ANO6: variants seen among roughly 807,000 people sequenced by gnomAD.
ANO6 encodes the protein anoctamin-6.
A neutral mutation model predicts 117.5 loss-of-function variants in ANO6; 106 were observed. The ratio of observed to expected loss-of-function variants is 0.90; its 90% CI spans 0.77 to 1.06. The LOEUF (loss-of-function observed/expected upper bound fraction) is 1.06, where lower values mean the gene tolerates loss of function less well. ANO6 is among the 50% of genes least tolerant of loss of function. ANO6 has a pLI of 0.00. For missense variants in ANO6, 955 were observed against 1,121.1 expected (o/e 0.85, Z 2.12); for synonymous variants, 367 against 385.1 (o/e 0.95, Z 0.55).
chr12:45,278,763 T>C (rs781750745), intron 1 of ANO6, among the ~76,000 whole-genome samples: 1 of 152,208 alleles, frequency 6.6e-6, no homozygotes, highest in Non-Finnish European at 1.5e-5. Flanking sequence ...GGAAGTCTTG[T>C]CCCTTCTAAT....
chr12:45,265,294 A>T (rs1044397038), intron 1 of ANO6, among the ~76,000 whole-genome samples: 5 of 152,172 alleles, frequency 3.3e-5, no homozygotes, highest in African/African-American at 1.2e-4. Flanking sequence ...GTTATGGAGA[A>T]CTAAGGAATA....
At chr12:45,291,358 A>C (rs201350465) in intron 1 of ANO6, among the ~76,000 whole-genome samples, 5 of 149,574 alleles carry the variant, frequency 3.3e-5, no homozygotes, top group South Asian at 2.1e-4. Context: ...AAAAAAAAAA[A>C]AAAAAAAAAA....
At chr12:45,351,772 A>C (rs1941286805) in intron 7 of ANO6, among the ~76,000 whole-genome samples, 1 of 152,196 alleles carries the variant, frequency 6.6e-6, no homozygotes, top group African/African-American at 2.4e-5. Flanking sequence ...AGAGCAAGAC[A>C]TGAAGTTAGA....
At chr12:45,375,642 G>A (rs1328983739) in intron 9 of ANO6, among the ~76,000 whole-genome samples, 1 of 152,012 alleles carries the variant, frequency 6.6e-6, no homozygotes, top group African/African-American at 2.4e-5. Context: ...TGGGAAAACT[G>A]GCTAGCCATA....
At chr12:45,436,134 A>G (rs73283352), downstream of ANO6, among the ~76,000 whole-genome samples, 2,009 of 152,236 alleles carry the variant, frequency 0.013, 36 homozygotes, top group African/African-American at 0.046. Flanking sequence ...AGCTTCCCTA[A>G]TTCCAGTTCC....
chr12:45,331,138 A>G (rs1284986099), intron 2 of ANO6, among the ~76,000 whole-genome samples, 157 bp from the exon 3 acceptor site: 2 of 151,966 alleles, frequency 1.3e-5, no homozygotes, highest in East Asian at 3.9e-4. Flanking sequence ...CATGTTTGCC[A>G]TGTCAGTCAT....
At chr12:45,402,790 C>T (rs1942826634) in intron 13 of ANO6, among the ~76,000 whole-genome samples, 1 of 152,150 alleles carries the variant, frequency 6.6e-6, no homozygotes, top group South Asian at 2.1e-4. Context: ...TATTTGATAA[C>T]ACTGGACTTG....
intron 2 of ANO6, among the ~76,000 whole-genome samples, chr12:45,327,839 A>G (rs1940523243): frequency 6.6e-6 from 1 of 151,506 alleles, no homozygotes; most frequent in Non-Finnish European, 1.5e-5. Flanking sequence ...ATTTTATCAG[A>G]AAAAAAAATT....
Position 45,388,281 on chromosome 12 carries a change from T to C in ANO6, c.1286T>C (p.Val429Ala), listed in dbSNP as rs1032927629. ...GAATACGAAGCACGATGTACTCACG[T>C]AGTGATAAATGAGATTACTCAGGTA... The part of the protein sequence containing the change: ...RPEYEARCTH[V>A]VINEITQEEE... The change falls in exon 11 of 20, where the codon GTA becomes GCA. Residue 429 changes from valine to alanine, a missense_variant. Val to Ala is a moderately conservative substitution (Grantham distance 64). Transcript: ENST00000320560. 3 of 1,614,058 alleles carry C rather than the reference T, an allele frequency of 1.9e-6. No homozygotes were observed. The highest frequency in any genetic ancestry group is 4.5e-5 in the East Asian group (2 of 44,872).
chr12:45,370,190 T>C (rs1250997347), intron 9 of ANO6, among the ~76,000 whole-genome samples: 2 of 152,234 alleles, frequency 1.3e-5, no homozygotes, highest in South Asian at 2.1e-4. Flanking sequence ...GCTTCCTTTT[T>C]CCCTTACTTC....
At chr12:45,245,932 T>C (rs1300336839) in intron 1 of ANO6, among the ~76,000 whole-genome samples, 3 of 149,720 alleles carry the variant, frequency 2.0e-5, no homozygotes, top group South Asian at 2.1e-4. Flanking sequence ...ACATGTTAGA[T>C]TGACATTTTA....
intron 1 of ANO6, among the ~76,000 whole-genome samples, chr12:45,242,844 C>G (rs562162391): frequency 1.2e-4 from 19 of 152,068 alleles, no homozygotes; most frequent in Non-Finnish European, 2.5e-4. Context: ...TTTCACATAC[C>G]TTTGGGTAAA....
chr12:45,272,441 C>T (rs1938424241), intron 1 of ANO6, among the ~76,000 whole-genome samples: 1 of 152,172 alleles, frequency 6.6e-6, no homozygotes, highest in Non-Finnish European at 1.5e-5. Context: ...CAGATTTTTA[C>T]ATTTACCTGT....
intron 9 of ANO6, among the ~76,000 whole-genome samples, chr12:45,375,806 A>T (rs1448394471): frequency 6.6e-6 from 1 of 150,520 alleles, no homozygotes; most frequent in Admixed American, 6.6e-5. Flanking sequence ...CAAGGACTTC[A>T]TGTCTAAAAC....
Position 45,429,661 on chromosome 12 carries a change from C to G in ANO6, c.*350C>G. The stretch of plus-strand genomic sequence containing the variant: ...GATTATTTTCATTTCTGTCTATTCT[C>G]AGGCGCATGATCTCCTTTATTTTTA... On this transcript the variant is annotated 3_prime_UTR_variant, in exon 20 of 20. Transcript: ENST00000320560. The G allele has an allele frequency of 2.4e-5, 27 of 1,142,798 alleles. No homozygotes were observed. Among genetic ancestry groups the G allele is most frequent in the Non-Finnish European group, 2.9e-5 (27 of 924,628 alleles). The allele number at this position is 1,142,798 out of a possible 1,614,324, so 70.8% of individuals were successfully genotyped here.
chr12:45,405,516 G>A (rs1040110901), intron 15 of ANO6, among the ~76,000 whole-genome samples: 3 of 152,188 alleles, frequency 2.0e-5, no homozygotes, highest in Non-Finnish European at 4.4e-5. Context: ...TTTGAAAACT[G>A]AGAATGCTGA....
chr12:45,379,451 C>A (rs551231151), intron 10 of ANO6, among the ~76,000 whole-genome samples: 1 of 152,182 alleles, frequency 6.6e-6, no homozygotes, highest in Non-Finnish European at 1.5e-5. Flanking sequence ...TAATATTTGA[C>A]CCATAGAAGA....
At chr12:45,317,285 C>T in intron 2 of ANO6, among the ~76,000 whole-genome samples, 1 of 85,040 alleles carries the variant, frequency 1.2e-5, no homozygotes, top group Non-Finnish European at 2.4e-5. Context: ...CCCCACCCCA[C>T]AACAGGCCCC....
chr12:45,346,664 C>T (rs1421090404), intron 3 of ANO6, among the ~76,000 whole-genome samples: 2 of 152,156 alleles, frequency 1.3e-5, no homozygotes, highest in Non-Finnish European at 2.9e-5. Flanking sequence ...GTGAATAGGA[C>T]TCAGAAAGCT....
Sources: allele counts gnomAD v4.1 joint callset (sites outside exome capture counted in the v4.1 genomes callset), GRCh38; gene constraint gnomAD v4.1.1; transcripts MANE v1.5; gene names NCBI Gene and HGNC (gene_info 2026-07-23, HGNC 2026-07-21).